PDE8B: variants seen among roughly 807,000 people sequenced by gnomAD.
The protein encoded by PDE8B is phosphodiesterase 8B.
In PDE8B, 26 loss-of-function variants were observed where a neutral mutation model predicts 101.3. The observed-to-expected ratio is 0.26, with a 90% CI of 0.19 to 0.36. PDE8B has a LOEUF of 0.36. Ranked by LOEUF, PDE8B falls within the 10% of genes least tolerant of loss-of-function variation. PDE8B has a pLI of 1.00. For synonymous variants in PDE8B, 424 were observed against 429.3 expected (o/e 0.99, Z 0.15); for missense variants, 810 against 1,163.1 (o/e 0.70, Z 4.42).
chr5:77,126,077 G>A, the PDE8B span, among the ~76,000 whole-genome samples: 2 of 152,128 alleles, frequency 1.3e-5, no homozygotes, highest in Non-Finnish European at 2.9e-5. Context: ...ACGAGGTCAG[G>A]AGATCGAGAC....
rs982305133 is a variant in PDE8B, at chr5:77,331,239, G to A, written c.651-163G>A. On this transcript the variant is annotated intron_variant, in intron 4 of 21. Coordinates refer to ENST00000264917, the MANE Select transcript of PDE8B (RefSeq NM_003719.5). Reference sequence around the variant, plus strand: ...TTTTTGCATCTGGAAGGTAGATGTGGGGTCTGTATCCTTGAAGGCAGGTGT... The same window carrying A: ...TTTTTGCATCTGGAAGGTAGATGTGAGGTCTGTATCCTTGAAGGCAGGTGT... The A allele has an allele frequency of 6.3e-5, 47 of 745,564 alleles. 1 individual carries two copies. The highest frequency in any genetic ancestry group is 1.1e-4 in the Non-Finnish European group (45 of 405,152). 46.2% of individuals were successfully genotyped at this position (745,564 alleles called of 1,614,324 possible).
chr5:77,227,506 T>TGA (rs527461148), intron 1 of PDE8B, among the ~76,000 whole-genome samples: 66 of 151,514 alleles, frequency 4.4e-4, no homozygotes, highest in African/African-American at 1.4e-3. Flanking sequence ...AAGGCACCCA[T>TGA]GAGAGAGAGA....
chr5:77,329,571 A>G (rs1217087187), intron 4 of PDE8B, among the ~76,000 whole-genome samples: 1 of 152,194 alleles, frequency 6.6e-6, no homozygotes, highest in Non-Finnish European at 1.5e-5. Context: ...TGGAAGGCAA[A>G]GAAAAGGGAT....
intron 20 of PDE8B, among the ~76,000 whole-genome samples, chr5:77,423,180 A>G (rs1190424346): frequency 6.6e-6 from 1 of 152,176 alleles, no homozygotes; most frequent in East Asian, 1.9e-4. Flanking sequence ...GTTGCTGCAA[A>G]TGACATGATT....
At chr5:77,265,523 A>G (rs2149731650) in intron 1 of PDE8B, among the ~76,000 whole-genome samples, 1 of 152,272 alleles carries the variant, frequency 6.6e-6, no homozygotes, top group South Asian at 2.1e-4. Context: ...TAACATTGTT[A>G]GCCACCTTTG....
intron 20 of PDE8B, among the ~76,000 whole-genome samples, chr5:77,424,002 G>GA (rs1797336984): frequency 1.3e-5 from 2 of 151,916 alleles, no homozygotes; most frequent in South Asian, 4.2e-4. Context: ...GTCTGTTCAT[G>GA]AAATCCAGTA....
the PDE8B span, among the ~76,000 whole-genome samples, chr5:77,121,196 C>A: frequency 6.6e-6 from 1 of 152,190 alleles, no homozygotes; most frequent in African/African-American, 2.4e-5. Flanking sequence ...TTCAATATTT[C>A]AAGCCAAGGC....
At chr5:77,182,208 A>G in the PDE8B span, among the ~76,000 whole-genome samples, 1 of 151,942 alleles carries the variant, frequency 6.6e-6, no homozygotes, top group South Asian at 2.1e-4. Context: ...TAGCCTGTGA[A>G]TGCTCACTAG....
chr5:77,380,784 A>G (rs2150791606), intron 10 of PDE8B, among the ~76,000 whole-genome samples: 1 of 152,348 alleles, frequency 6.6e-6, no homozygotes, highest in African/African-American at 2.4e-5. Flanking sequence ...ACTGTTATAA[A>G]TACAATAAGG....
At chr5:77,203,025 A>G in the PDE8B span, among the ~76,000 whole-genome samples, 1 of 152,242 alleles carries the variant, frequency 6.6e-6, no homozygotes, top group African/African-American at 2.4e-5. Context: ...TATTGAAAAC[A>G]TCAGTGATTT....
At chr5:77,329,592 G>A (rs183406702) in intron 4 of PDE8B, among the ~76,000 whole-genome samples, 12 of 152,304 alleles carry the variant, frequency 7.9e-5, no homozygotes, top group African/African-American at 2.6e-4. Context: ...TGCGCTGTAG[G>A]TGCAATGAAA....
chr5:77,326,974 TA>T (rs1214810883), intron 3 of PDE8B, among the ~76,000 whole-genome samples: 80 of 152,306 alleles, frequency 5.3e-4, no homozygotes, highest in African/African-American at 1.7e-3. Flanking sequence ...TATAAATAAA[TA>T]AGAGTTTTAT....
At chr5:77,236,297 C>T (rs1225803252) in intron 1 of PDE8B, among the ~76,000 whole-genome samples, 3 of 152,112 alleles carry the variant, frequency 2.0e-5, no homozygotes, top group African/African-American at 4.8e-5. Flanking sequence ...ATGTGGGAGT[C>T]ATCAGTGCAT....
chr5:77,301,626 A>G (rs573181265), intron 1 of PDE8B, among the ~76,000 whole-genome samples: 7 of 152,218 alleles, frequency 4.6e-5, no homozygotes, highest in Admixed American at 2.0e-4. Flanking sequence ...GGCAGTGTCT[A>G]TTATCAGTGG....
At chr5:77,373,958 TC>T (rs1785573855) in intron 10 of PDE8B, among the ~76,000 whole-genome samples, 1 of 152,214 alleles carries the variant, frequency 6.6e-6, no homozygotes, top group African/African-American at 2.4e-5. Context: ...CAAGCGATTC[TC>T]CTGCCTCAGC....
chr5:77,420,297 T>C (rs999204029), intron 19 of PDE8B, among the ~76,000 whole-genome samples: 2 of 152,042 alleles, frequency 1.3e-5, no homozygotes, highest in African/African-American at 4.8e-5. Context: ...ATTAAAAGCA[T>C]ACCAGTACCT....
chr5:77,180,967 CGTGTGTGTGTGTGT>C, the PDE8B span, among the ~76,000 whole-genome samples: 12 of 147,636 alleles, frequency 8.1e-5, no homozygotes, highest in South Asian at 1.3e-3. Flanking sequence ...GGTGTGTACA[CGTGTGTGTGTGTGT>C]GTGTGTGTGT....
intron 1 of PDE8B, among the ~76,000 whole-genome samples, chr5:77,250,435 G>A (rs900174007): frequency 6.6e-6 from 1 of 152,138 alleles, no homozygotes; most frequent in Non-Finnish European, 1.5e-5. Context: ...ATGAGGACAA[G>A]GGACCTGGGA....
chr5:77,421,255 T>C (rs1262611257), intron 19 of PDE8B, among the ~76,000 whole-genome samples: 7 of 151,918 alleles, frequency 4.6e-5, no homozygotes, highest in African/African-American at 9.7e-5. Context: ...AAAACATGAG[T>C]GGACACATGC....
Sources: allele counts gnomAD v4.1 joint callset (sites outside exome capture counted in the v4.1 genomes callset), GRCh38; gene constraint gnomAD v4.1.1; transcripts MANE v1.5; gene names NCBI Gene and HGNC (gene_info 2026-07-23, HGNC 2026-07-21).